PSTPIP1: variants seen among roughly 807,000 people sequenced by gnomAD.
PSTPIP1 encodes the protein proline-serine-threonine phosphatase interacting protein 1.
PSTPIP1 carries 66 observed loss-of-function variants against 69.6 expected under a neutral mutation model. The ratio of observed to expected loss-of-function variants is 0.95; its 90% confidence interval spans 0.78 to 1.16. The LOEUF (loss-of-function observed/expected upper bound fraction) is 1.16. Among genes scored for constraint, PSTPIP1 ranks in the 50% most tolerant of loss-of-function variants. PSTPIP1 has a pLI of 0.00. For synonymous variants in PSTPIP1, 266 were observed against 222.7 expected, an observed-to-expected ratio of 1.19 and a Z score of -1.73; for missense variants, 603 against 557.4, an observed-to-expected ratio of 1.08 and a Z score of -0.82.
At chr15:77,016,479 C>A (rs988115350) in intron 1 of PSTPIP1, among the ~76,000 whole-genome samples, 4 of 152,268 alleles carry the variant, frequency 2.6e-5, no homozygotes, top group Admixed American at 2.6e-4. Flanking sequence ...GTGATGTCAA[C>A]CTGGACATGG....
Position 77,030,577 on chromosome 15 carries a change from G to C in PSTPIP1, c.638G>C (p.Cys213Ser). ...TGGGAGCAGGAGCACCGGACCACCT[G>C]TGAGGTGAGTGGCCCACGTGGAGCC... Reference protein sequence around the residue: ...AEWEQEHRTTCEAFQLQEFDR... With the variant: ...AEWEQEHRTTSEAFQLQEFDR... Residue 213 changes from cysteine to serine, a missense_variant, in exon 9 of 15, where the codon TGT (cysteine) becomes TCT (serine). By Grantham distance (112) the Cys-to-Ser change is moderately radical. Transcript: ENST00000558012. 6.3e-7 allele frequency: 1 copy of C among 1,598,890 alleles called. No homozygotes were observed. The highest frequency in any genetic ancestry group is 8.6e-7 in the Non-Finnish European group (1 of 1,168,446).
rs140840189 is a variant in PSTPIP1, at chr15:77,013,674, C to A, written c.37-4474C>A. ...TCCTCTCTCCCTGTCAGGCTATTCT[C>A]ATGGACAGAATTACCAGGCAGCTCT... On this transcript the variant is annotated intron_variant, in intron 1 of 14. Transcript: ENST00000558012. 1.2e-3 allele frequency among the ~76,000 whole-genome samples: 180 copies of A among 152,314 alleles called. 2 individuals carry two copies. The highest frequency in any genetic ancestry group is 4.2e-3 in the African/African-American group (176 of 41,572).
At chr15:76,994,801 A>G, upstream of PSTPIP1, 1 of 1,289,078 alleles carries the variant, frequency 7.8e-7, no homozygotes, top group Non-Finnish European at 1.0e-6. Context: ...TGAATGACAG[A>G]TGCCCTAGAC....
intron 1 of PSTPIP1, among the ~76,000 whole-genome samples, chr15:77,010,772 G>A (rs185334795): frequency 1.8e-4 from 28 of 151,956 alleles, no homozygotes; most frequent in African/African-American, 5.8e-4. Flanking sequence ...CTCACCCTCC[G>A]AGTAGCGGGG....
In PSTPIP1 at chr15:77,017,527, G is replaced by A. The variant is rs537981558; in HGVS notation, c.37-621G>A. Among the ~76,000 whole-genome samples, 15 of 152,280 alleles carry A rather than the reference G, an allele frequency of 9.9e-5. No homozygotes were observed. In the East Asian group the frequency reaches 1.5e-3, roughly 16 times the overall value. ...TCCATGCCCACCTCCCTGGATCTCC[G>A]TGAGGGGGGGTTTCCTGAGCCCACA... On this transcript the variant is annotated intron_variant, in intron 1 of 14. Transcript: ENST00000558012.
chr15:77,003,263 G>A (rs1288171356), intron 1 of PSTPIP1, among the ~76,000 whole-genome samples: 3 of 152,186 alleles, frequency 2.0e-5, no homozygotes, highest in Non-Finnish European at 4.4e-5. Context: ...TGGAAACCAA[G>A]ACTGCCTCTG....
intron 1 of PSTPIP1, among the ~76,000 whole-genome samples, chr15:77,002,732 C>T (rs1003660839): frequency 6.6e-6 from 1 of 152,236 alleles, no homozygotes; most frequent in African/African-American, 2.4e-5. Flanking sequence ...GGTTCTGGGT[C>T]GATTTGGTGT....
At chr15:77,020,100 C>T (rs1347256886) in intron 3 of PSTPIP1, among the ~76,000 whole-genome samples, 2 of 152,108 alleles carry the variant, frequency 1.3e-5, no homozygotes, top group African/African-American at 2.4e-5. Flanking sequence ...AGGGGATTTA[C>T]AGCAGGGAAA....
At chr15:77,007,635 C>T (rs2075842368) in intron 1 of PSTPIP1, among the ~76,000 whole-genome samples, 1 of 151,268 alleles carries the variant, frequency 6.6e-6, no homozygotes, top group African/African-American at 2.4e-5. Flanking sequence ...CGCTCTGCTG[C>T]CCAAGCTGGA....
In PSTPIP1 at chr15:77,032,403, C is replaced by T. The variant is rs778120164; in HGVS notation, c.838+9C>T. 1.1e-5 allele frequency: 18 copies of T among 1,612,372 alleles called. No individual in the cohort carries two copies. The highest frequency in any genetic ancestry group is 1.7e-5 in the Admixed American group (1 of 60,016). On this transcript the variant is annotated intron_variant, in intron 11 of 14. Transcript: ENST00000558012. ...GGGCACAGAGCCCCCCGGTGAGGTC[C>T]GGCTTGCGGACAGCGCAGCCTCTAG...
intron 9 of PSTPIP1, 78 bp from the exon 10 acceptor site, chr15:77,031,102 T>C: frequency 2.2e-6 from 3 of 1,388,396 alleles, no homozygotes; most frequent in South Asian, 2.3e-5. Flanking sequence ...CAGCTCCGGC[T>C]GAGCTGTGAA....
intron 3 of PSTPIP1, among the ~76,000 whole-genome samples, chr15:77,021,805 C>T (rs2076166882): frequency 6.6e-6 from 1 of 152,238 alleles, no homozygotes; most frequent in Non-Finnish European, 1.5e-5. Flanking sequence ...TGCTGTTGCC[C>T]TGTTGCTCCC....
intron 10 of PSTPIP1, 181 bp downstream of exon 10, chr15:77,031,459 C>G: frequency 1.8e-6 from 1 of 544,994 alleles, no homozygotes; most frequent in South Asian, 2.1e-5. Context: ...GAGCTCAGTA[C>G]CACACAGGGC....
intron 5 of PSTPIP1, chr15:77,026,148 GGAAGT>G: frequency 2.2e-6 from 1 of 456,112 alleles, no homozygotes; most frequent in Non-Finnish European, 4.4e-6. Flanking sequence ...GTGACTGCAT[GGAAGT>G]GAAGTCCCCA....
At chr15:77,031,383 C>A in intron 10 of PSTPIP1, 105 bp downstream of exon 10, 1 of 1,252,470 alleles carries the variant, frequency 8.0e-7, no homozygotes, top group South Asian at 1.2e-5. Flanking sequence ...CCTCTGTGAT[C>A]CAAGCCTGGC....
chr15:77,035,365 C>A, intron 12 of PSTPIP1, 143 bp from the exon 13 acceptor site: 1 of 847,756 alleles, frequency 1.2e-6, no homozygotes, highest in Non-Finnish European at 1.9e-6. Flanking sequence ...TCATAAATGA[C>A]ATCCATGCCT....
intron 9 of PSTPIP1, among the ~76,000 whole-genome samples, chr15:77,030,786 T>C (rs1362891837): frequency 6.6e-6 from 1 of 152,222 alleles, no homozygotes; most frequent in Admixed American, 6.5e-5. Context: ...GGCCCCTTCG[T>C]TGCAGGCAGG....
chr15:77,018,573 T>G, intron 3 of PSTPIP1, 42 bp downstream of exon 3: 4 of 1,509,042 alleles, frequency 2.7e-6, no homozygotes, highest in Non-Finnish European at 3.6e-6. Flanking sequence ...TCTCCTCTGC[T>G]GGCAGTTTCT....
At chr15:77,000,476 T>TATATATATATATATATATATAC (rs1033258180) in intron 1 of PSTPIP1, among the ~76,000 whole-genome samples, 2 of 146,794 alleles carry the variant, frequency 1.4e-5, no homozygotes, top group African/African-American at 5.1e-5. Context: ...TATATATATA[T>TATATATATATATATATATATAC]ACACACACAC....
Sources: allele counts gnomAD v4.1 joint callset (sites outside exome capture counted in the v4.1 genomes callset), GRCh38; gene constraint gnomAD v4.1.1; transcripts MANE v1.5; gene names NCBI Gene and HGNC (gene_info 2026-07-23, HGNC 2026-07-21).